CALD1: variants seen among roughly 807,000 people sequenced by gnomAD.
The protein encoded by CALD1 is caldesmon 1.
Under a neutral mutation model 99.9 loss-of-function variants are expected in CALD1, and 33 were observed. That is an observed-to-expected ratio of 0.33 (90% CI 0.25 to 0.44). CALD1 has a LOEUF of 0.44. Among genes scored for constraint, CALD1 ranks in the 20% least tolerant of loss-of-function variants. The pLI is 1.00. For synonymous variants in CALD1, 310 were observed against 325.0 expected (o/e 0.95, Z 0.50); for missense variants, 861 against 962.1 (o/e 0.89, Z 1.39).
chr7:134,787,364 G>C (rs925821315), intron 1 of CALD1, among the ~76,000 whole-genome samples: 2 of 152,148 alleles, frequency 1.3e-5, no homozygotes, highest in Admixed American at 6.5e-5. Flanking sequence ...TTTAGGCTTA[G>C]GGGGAGGGGT....
At chr7:134,850,173 A>G (rs1174966627) in intron 2 of CALD1, among the ~76,000 whole-genome samples, 2 of 152,236 alleles carry the variant, frequency 1.3e-5, no homozygotes, top group Admixed American at 1.3e-4. Flanking sequence ...AACATCAAAT[A>G]TGAACGGAAC....
chr7:134,806,478 C>T (rs1226646687), intron 1 of CALD1, among the ~76,000 whole-genome samples: 1 of 152,220 alleles, frequency 6.6e-6, no homozygotes, highest in African/African-American at 2.4e-5. Flanking sequence ...CTCAGGCCAA[C>T]TTCTCTGTCT....
chr7:134,844,582 G>A (rs979562718), intron 2 of CALD1, among the ~76,000 whole-genome samples: 4 of 152,184 alleles, frequency 2.6e-5, no homozygotes, highest in Admixed American at 2.0e-4. Flanking sequence ...ACACCACTCA[G>A]GCAATTGTTG....
exon 1 of CALD1, chr7:134,744,309 C>G (rs927136601): frequency 6.6e-6 from 1 of 152,174 alleles, no homozygotes; most frequent in East Asian, 1.9e-4. Context: ...GGAGGCAAGA[C>G]TGGGTCTACC....
chr7:134,919,932 A>G (rs1162234337), intron 3 of CALD1, among the ~76,000 whole-genome samples: 1 of 151,978 alleles, frequency 6.6e-6, no homozygotes, highest in Non-Finnish European at 1.5e-5. Flanking sequence ...TATTTTCTTG[A>G]TTTTTTTTCC....
intron 7 of CALD1, among the ~76,000 whole-genome samples, chr7:134,943,370 G>A (rs1214988482): frequency 1.3e-5 from 2 of 152,110 alleles, no homozygotes; most frequent in Admixed American, 1.3e-4. Flanking sequence ...CTAATGCTGA[G>A]GTCATGCACA....
chr7:134,915,537 T>C (rs1207884396), intron 3 of CALD1, among the ~76,000 whole-genome samples: 1 of 152,192 alleles, frequency 6.6e-6, no homozygotes, highest in Admixed American at 6.5e-5. Flanking sequence ...TAGGATGGAA[T>C]TGCCTTGTTG....
intron 7 of CALD1, 46 bp downstream of exon 7, chr7:134,941,283 G>GAAA (rs112804599): frequency 3.1e-5 from 33 of 1,079,574 alleles, no homozygotes; most frequent in East Asian, 8.8e-5. Flanking sequence ...CACATGCAAA[G>GAAA]AAAAAAAAAA....
At chr7:134,833,669 C>T (rs1464772541) in intron 1 of CALD1, among the ~76,000 whole-genome samples, 1 of 152,206 alleles carries the variant, frequency 6.6e-6, no homozygotes, top group African/African-American at 2.4e-5. Context: ...TATTGAGAAA[C>T]TGCTATGTGA....
chr7:134,826,526 G>C (rs76070361), intron 1 of CALD1, among the ~76,000 whole-genome samples: 2,260 of 152,190 alleles, frequency 0.015, 55 homozygotes, highest in African/African-American at 0.051. Context: ...TTTGTGACTT[G>C]CCTGAGGTCA....
At chr7:134,857,753 T>C (rs142220301) in intron 2 of CALD1, among the ~76,000 whole-genome samples, 114 of 152,272 alleles carry the variant, frequency 7.5e-4, no homozygotes, top group African/African-American at 2.5e-3. Context: ...TTCTAGAAGG[T>C]AGTTTTTAAC....
At chr7:134,937,395 A>G (rs1470899560) in intron 6 of CALD1, among the ~76,000 whole-genome samples, 1 of 151,940 alleles carries the variant, frequency 6.6e-6, no homozygotes, top group Non-Finnish European at 1.5e-5. Flanking sequence ...CAGTTCCAAA[A>G]CTTTTGGCTT....
At chr7:134,721,702 T>C in the CALD1 span, among the ~76,000 whole-genome samples, 2 of 152,166 alleles carry the variant, frequency 1.3e-5, no homozygotes, top group Non-Finnish European at 2.9e-5. Context: ...TCCACCCTTC[T>C]TGGCGGTAGT....
At chr7:134,893,289 C>A (rs1007915034) in intron 3 of CALD1, among the ~76,000 whole-genome samples, 4 of 152,272 alleles carry the variant, frequency 2.6e-5, no homozygotes, top group Non-Finnish European at 5.9e-5. Flanking sequence ...CCCCCTACAG[C>A]CCCCACCTAT....
At chr7:134,785,881 C>T (rs1982436) in intron 1 of CALD1, among the ~76,000 whole-genome samples, 89,349 of 152,094 alleles carry the variant, frequency 0.59, 27,011 homozygotes, top group East Asian at 0.82. Context: ...CAGAACAGAA[C>T]TGAATATATA....
rs1441690943 is a variant in CALD1 at position 134,873,308 on chromosome 7, C to A, written c.71+5504C>A. 4.6e-5 allele frequency among the ~76,000 whole-genome samples: 7 copies of A among 152,114 alleles called. 1 individual carries two copies. Among genetic ancestry groups the A allele is most frequent in the African/African-American group, 1.7e-4 (7 of 41,446 alleles). ...GCCTTCATCTCTGTTTTCCTTGGTGCACCTTCATGTGCCTCTTCCCCGGTC... is the reference window on the plus strand; with the variant it reads ...GCCTTCATCTCTGTTTTCCTTGGTGAACCTTCATGTGCCTCTTCCCCGGTC... On this transcript the variant is annotated intron_variant, in intron 3 of 14. Transcript: ENST00000361675.
At chr7:134,711,660 C>CTCTCTCTCTCTCTCTCTCTATATA in the CALD1 span, among the ~76,000 whole-genome samples, 1 of 78,346 alleles carries the variant, frequency 1.3e-5, no homozygotes, top group African/African-American at 6.2e-5. Flanking sequence ...CTCTCTCTCT[C>CTCTCTCTCTCTCTCTCTCTATATA]TATATATATA....
chr7:134,895,314 G>GTT (rs1802493714), intron 3 of CALD1, among the ~76,000 whole-genome samples: 1 of 150,710 alleles, frequency 6.6e-6, no homozygotes, highest in Non-Finnish European at 1.5e-5. Flanking sequence ...GTGTGTGTGT[G>GTT]TGTGTGTGTG....
chr7:134,836,092 C>T (rs532849850), intron 1 of CALD1, among the ~76,000 whole-genome samples: 51 of 146,352 alleles, frequency 3.5e-4, no homozygotes, highest in African/African-American at 1.1e-3. Context: ...TTGCAGTGAG[C>T]TGAGATCGCG....
Sources: gnomAD v4.1 joint callset for allele counts (sites outside exome capture counted in the v4.1 genomes callset) on GRCh38, gnomAD v4.1.1 for gene constraint, MANE v1.5 for transcripts, NCBI Gene and HGNC (gene_info 2026-07-23, HGNC 2026-07-21) for gene names.